Variants in COPG2 observed in about 807,000 individuals in gnomAD.
COPG2 encodes the protein coatomer subunit gamma-2.
COPG2 carries 37 observed loss-of-function variants against 46.3 expected under a neutral mutation model. That is an observed-to-expected ratio of 0.80 (90% confidence interval 0.61 to 1.05). COPG2 has a LOEUF of 1.05. COPG2 is among the 50% of genes least tolerant of loss of function. The pLI, the probability that COPG2 is intolerant of heterozygous loss-of-function variation, is 0.00. For missense variants in COPG2, 427 were observed against 387.8 expected, an observed-to-expected ratio of 1.10 and a Z score of -0.85; for synonymous variants, 159 against 129.7, an observed-to-expected ratio of 1.23 and a Z score of -1.53.
chr7:130,522,082 A>G (rs1724821763), intron 20 of COPG2, among the ~76,000 whole-genome samples: 1 of 152,214 alleles, frequency 6.6e-6, no homozygotes, highest in Non-Finnish European at 1.5e-5. Flanking sequence ...ATCCACATCT[A>G]GAAAGGGCTG....
chr7:130,511,021 T>C (rs1158325735), intron 20 of COPG2: 4 of 517,290 alleles, frequency 7.7e-6, no homozygotes, highest in Admixed American at 2.0e-5. Flanking sequence ...TCACTGAAAA[T>C]GAGAGTCAAC....
chr7:130,551,582 G>A (rs1484079539), intron 15 of COPG2, among the ~76,000 whole-genome samples: 2 of 152,248 alleles, frequency 1.3e-5, no homozygotes, highest in East Asian at 3.9e-4. Context: ...TTAAAATAAC[G>A]AGGAGCACAA....
chr7:130,509,143 T>A lies in COPG2; in HGVS notation c.2150-484A>T, dbSNP rs113170271. On this transcript the variant is annotated intron_variant, in intron 20 of 23. Transcript: ENST00000425248. ...CTTTAGATTGTGGACTGATGGCGGGTCCACAGATCACCAGAGAGAACTTGC... is the reference window on the plus strand; with the variant it reads ...CTTTAGATTGTGGACTGATGGCGGGACCACAGATCACCAGAGAGAACTTGC... The A allele has an allele frequency of 4.5e-5, 20 of 444,338 alleles. 1 individual carries two copies. Among genetic ancestry groups the A allele is most frequent in the Non-Finnish European group, 1.3e-5 (3 of 224,280 alleles). 27.5% of individuals were successfully genotyped at this position (444,338 alleles called of 1,614,324 possible).
At position 130,506,459 on chromosome 7, in the gene COPG2, C is replaced by A; in HGVS notation, c.*217G>T. On this transcript the variant is annotated 3_prime_UTR_variant, in exon 24 of 24. Coordinates refer to ENST00000425248, the MANE Select transcript of COPG2 (RefSeq NM_012133.6). ...GATCACCCAAAGCTGCACTATCGTC[C>A]CAAAGCTGACCAAGTAGAATAAAAA... 1 of 342,532 alleles carries A rather than the reference C, an allele frequency of 2.9e-6. No homozygotes were observed. Among genetic ancestry groups the A allele is most frequent in the Non-Finnish European group, 5.3e-6 (1 of 187,406 alleles). The allele number at this position is 342,532 out of a possible 1,614,324, so 21.2% of individuals were successfully genotyped here. A position where few individuals can be genotyped will look rare whatever the true frequency, so the allele number is the denominator to read the frequency against.
chr7:130,666,996 C>T (rs1554461568), intron 2 of COPG2, 67 bp from the exon 3 acceptor site: 1 of 790,026 alleles, frequency 1.3e-6, no homozygotes, highest in Non-Finnish European at 2.0e-6. Flanking sequence ...AGCAAATCAA[C>T]TTTAATACAG....
At chr7:130,650,841 T>C (rs1340165141) in intron 5 of COPG2, among the ~76,000 whole-genome samples, 4 of 152,228 alleles carry the variant, frequency 2.6e-5, no homozygotes, top group Admixed American at 6.5e-5. Flanking sequence ...AATTTGGGCA[T>C]CTATTTTGCA....
rs1177231941 is a variant in COPG2, at chr7:130,537,168, G to A, written c.2149+10506C>T. On this transcript the variant is annotated intron_variant, in intron 20 of 23. Transcript: ENST00000425248. Reference sequence around the variant, plus strand: ...AAACTACTCTGGTGACAGGAAGAAGGTAGGAGATTCAGAGGCAGAGGCTCC... The same window carrying A: ...AAACTACTCTGGTGACAGGAAGAAGATAGGAGATTCAGAGGCAGAGGCTCC... Among the ~76,000 whole-genome samples, 12 of 152,278 alleles carry A rather than the reference G, an allele frequency of 7.9e-5. No individual in the cohort carries two copies. In the East Asian group the frequency reaches 1.7e-3, roughly 22 times the overall value.
At chr7:130,664,847 G>T (rs972983020) in intron 3 of COPG2, among the ~76,000 whole-genome samples, 4 of 152,080 alleles carry the variant, frequency 2.6e-5, no homozygotes, top group African/African-American at 9.7e-5. Flanking sequence ...TGACACAGAG[G>T]GATTATGTTG....
At chr7:130,561,815 A>T (rs991707334) in intron 11 of COPG2, among the ~76,000 whole-genome samples, 38 of 152,238 alleles carry the variant, frequency 2.5e-4, no homozygotes, top group African/African-American at 8.2e-4. Context: ...TCCATTTAAC[A>T]GCAAAACATG....
intron 5 of COPG2, among the ~76,000 whole-genome samples, chr7:130,638,347 T>G (rs1795386874): frequency 1.3e-5 from 2 of 152,148 alleles, no homozygotes; most frequent in Admixed American, 1.3e-4. Context: ...CCCCAGGTGC[T>G]CTGTCCCAGG....
chr7:130,513,309 ATATATATAT>A (rs1358663702), intron 20 of COPG2, among the ~76,000 whole-genome samples: 24 of 48,908 alleles, frequency 4.9e-4, no homozygotes, highest in African/African-American at 1.4e-3. Context: ...AAAAAAAAAA[ATATATATAT>A]ATATATATAT....
At chr7:130,530,590 C>T (rs1384968078) in intron 20 of COPG2, among the ~76,000 whole-genome samples, 6 of 152,146 alleles carry the variant, frequency 3.9e-5, no homozygotes, top group African/African-American at 7.2e-5. Context: ...TGACTGAGCC[C>T]GATGAAGCAA....
At chr7:130,638,627 C>T (rs948598369) in intron 5 of COPG2, among the ~76,000 whole-genome samples, 5 of 152,128 alleles carry the variant, frequency 3.3e-5, no homozygotes, top group Admixed American at 2.0e-4. Flanking sequence ...GTGCTGGCAG[C>T]AAGAATTTCA....
chr7:130,659,124 G>A (rs1554460278), intron 4 of COPG2, among the ~76,000 whole-genome samples: 2 of 152,050 alleles, frequency 1.3e-5, no homozygotes, highest in South Asian at 4.1e-4. Context: ...GGGAGGCTGA[G>A]ACGGGCGGAT....
chr7:130,586,040 G>C (rs1554447922), intron 9 of COPG2, among the ~76,000 whole-genome samples: 1 of 152,014 alleles, frequency 6.6e-6, no homozygotes, highest in African/African-American at 2.4e-5. Flanking sequence ...AGTACAATTT[G>C]CAACTGCAAA....
intron 9 of COPG2, among the ~76,000 whole-genome samples, chr7:130,592,204 C>A (rs1386309899): frequency 6.6e-6 from 1 of 152,088 alleles, no homozygotes; most frequent in Non-Finnish European, 1.5e-5. Context: ...TTGAAGGCAG[C>A]ATGCTCGTTA....
intron 20 of COPG2, among the ~76,000 whole-genome samples, chr7:130,525,926 G>A (rs1268459942): frequency 4.4e-5 from 5 of 114,476 alleles, no homozygotes; most frequent in African/African-American, 1.9e-4. Context: ...TGTTGTGAAG[G>A]TAGTGCAACC....
At chr7:130,563,711 G>A (rs960484873) in intron 10 of COPG2, among the ~76,000 whole-genome samples, 32 of 138,492 alleles carry the variant, frequency 2.3e-4, no homozygotes, top group African/African-American at 7.0e-4. Flanking sequence ...CCGAGCTATC[G>A]TGCCACTGCA....
intron 20 of COPG2, among the ~76,000 whole-genome samples, chr7:130,537,910 G>A (rs1350042294): frequency 2.6e-5 from 4 of 152,272 alleles, no homozygotes; most frequent in Non-Finnish European, 4.4e-5. Context: ...ATTGAGGACC[G>A]TGTGTCAATA....
Sources: allele counts gnomAD v4.1 joint callset (sites outside exome capture counted in the v4.1 genomes callset), GRCh38; gene constraint gnomAD v4.1.1; transcripts MANE v1.5; gene names NCBI Gene and HGNC (gene_info 2026-07-23, HGNC 2026-07-21).